TMEM232: variants seen among roughly 807,000 people sequenced by gnomAD.
The protein encoded by TMEM232 is transmembrane protein 232.
Under a neutral mutation model 78.8 loss-of-function variants are expected in TMEM232, and 80 were observed. That is an observed-to-expected ratio of 1.01 (90% confidence interval 0.85 to 1.22). TMEM232 has a LOEUF of 1.22. TMEM232 is among the 50% of genes most tolerant of loss of function. The probability of loss-of-function intolerance (pLI) is 0.00; values close to 1 mark genes in which losing one functional copy is unlikely to be tolerated. For missense variants in TMEM232, 881 were observed against 742.2 expected (o/e 1.19, Z -2.17); for synonymous variants, 297 against 254.3 (o/e 1.17, Z -1.60).
At chr5:110,505,848 C>T (rs866415569) in intron 12 of TMEM232, among the ~76,000 whole-genome samples, 4 of 152,062 alleles carry the variant, frequency 2.6e-5, no homozygotes, top group African/African-American at 7.2e-5. Flanking sequence ...TTATACAAAA[C>T]GAAACCATGC....
At chr5:110,701,919 A>G (rs1420528703) in intron 1 of TMEM232, among the ~76,000 whole-genome samples, 1 of 152,062 alleles carries the variant, frequency 6.6e-6, no homozygotes, top group Non-Finnish European at 1.5e-5. Flanking sequence ...ATTTTGCTTA[A>G]CAGAAGGAAA....
intron 5 of TMEM232, among the ~76,000 whole-genome samples, chr5:110,628,642 A>G (rs1300754655): frequency 6.6e-6 from 1 of 150,606 alleles, no homozygotes; most frequent in Non-Finnish European, 1.5e-5. Context: ...CCCAAATAAC[A>G]GCAATAGCTG....
chr5:110,672,404 T>C (rs1193599076), intron 1 of TMEM232, among the ~76,000 whole-genome samples: 1 of 152,198 alleles, frequency 6.6e-6, no homozygotes, highest in Non-Finnish European at 1.5e-5. Context: ...ATTTTAGCAG[T>C]ACTGGTAAAA....
chr5:110,523,397 T>C (rs1252856561), intron 12 of TMEM232, among the ~76,000 whole-genome samples: 2 of 152,150 alleles, frequency 1.3e-5, no homozygotes, highest in Non-Finnish European at 2.9e-5. Flanking sequence ...TGCTCTAATC[T>C]TGTTATTTCT....
At position 110,407,900 on chromosome 5, in the gene TMEM232, C is replaced by T. The variant is rs578215386; in HGVS notation, n.309-10046G>A. Among the ~76,000 whole-genome samples, 58 of 152,108 alleles carry T rather than the reference C, an allele frequency of 3.8e-4. No individual in the cohort carries two copies. In the South Asian group the frequency reaches 0.01, roughly 27 times the overall value. The stretch of plus-strand genomic sequence containing the variant: ...TGGAAAATACAGACAAGATTAGATG[C>T]GTTTGGGGTGATATGGCTATAGATG... On this transcript the variant is annotated intron_variant and non_coding_transcript_variant, in intron 2 of 8. Coordinates refer to the TMEM232 transcript ENST00000507188.
intron 3 of TMEM232, among the ~76,000 whole-genome samples, chr5:110,391,465 G>A (rs969444844): frequency 1.3e-5 from 2 of 151,992 alleles, no homozygotes; most frequent in African/African-American, 4.8e-5. Context: ...AAAAATGAGT[G>A]ATTTTCCATA....
At position 110,670,472 on chromosome 5, in the gene TMEM232, A is replaced by G. The variant is rs1157264527; in HGVS notation, c.-12-3108T>C. Reference sequence around the variant, plus strand: ...TGAGAACTACAAACCACTGCTCAACAAAATAAAAGAGGACACAAACAAATG... The same window carrying G: ...TGAGAACTACAAACCACTGCTCAACGAAATAAAAGAGGACACAAACAAATG... On this transcript the variant is annotated intron_variant, in intron 1 of 13. Coordinates refer to ENST00000455884, the MANE Select transcript of TMEM232 (RefSeq NM_001039763.4). Among the ~76,000 whole-genome samples, 22 of 152,204 alleles carry G rather than the reference A, an allele frequency of 1.4e-4. No individual in the cohort carries two copies. In the South Asian group the frequency reaches 2.9e-3, roughly 20 times the overall value.
chr5:110,656,075 A>T (rs562836825), intron 2 of TMEM232, among the ~76,000 whole-genome samples: 1 of 152,268 alleles, frequency 6.6e-6, no homozygotes, highest in African/African-American at 2.4e-5. Flanking sequence ...ACAATACTTT[A>T]ATTGGCTGAG....
intron 9 of TMEM232, 27 bp from the exon 10 acceptor site, chr5:110,605,385 C>T: frequency 6.5e-7 from 1 of 1,532,622 alleles, no homozygotes; most frequent in Non-Finnish European, 8.8e-7. Flanking sequence ...GATATTTGAT[C>T]ATCAAAGTAT....
At chr5:110,678,464 A>G (rs548278623) in intron 1 of TMEM232, among the ~76,000 whole-genome samples, 5 of 152,292 alleles carry the variant, frequency 3.3e-5, no homozygotes, top group African/African-American at 1.2e-4. Flanking sequence ...AGCCTGTCCT[A>G]TTATCAACAT....
At chr5:110,511,815 C>T (rs566509266) in intron 12 of TMEM232, among the ~76,000 whole-genome samples, 78 of 152,300 alleles carry the variant, frequency 5.1e-4, no homozygotes, top group African/African-American at 1.6e-3. Flanking sequence ...ACATAAAACA[C>T]ATTTAATGCT....
chr5:110,564,828 A>T (rs1301711355), intron 11 of TMEM232, among the ~76,000 whole-genome samples: 1 of 151,984 alleles, frequency 6.6e-6, no homozygotes, highest in Non-Finnish European at 1.5e-5. Context: ...GCCTGAAGAG[A>T]AAATACCAAC....
chr5:110,656,518 A>G (rs1422036595), intron 2 of TMEM232, among the ~76,000 whole-genome samples: 1 of 152,200 alleles, frequency 6.6e-6, no homozygotes, highest in African/African-American at 2.4e-5. Flanking sequence ...GAAAATGTAC[A>G]TCCACAGAAA....
chr5:110,506,285 TG>T (rs1289007958), intron 12 of TMEM232, among the ~76,000 whole-genome samples: 2 of 152,208 alleles, frequency 1.3e-5, no homozygotes, highest in African/African-American at 4.8e-5. Flanking sequence ...TTGTTTGTTT[TG>T]TTTGTTTTGG....
intron 3 of TMEM232, among the ~76,000 whole-genome samples, chr5:110,394,108 T>A (rs1755302011): frequency 6.6e-6 from 1 of 152,122 alleles, no homozygotes. Context: ...CCCAAAACCT[T>A]CCCAGCCTTT....
intron 13 of TMEM232, among the ~76,000 whole-genome samples, chr5:110,422,519 CAAAAAAAAAAAAAAAAAA>C (rs34448955): frequency 2.9e-5 from 1 of 34,570 alleles, no homozygotes; most frequent in East Asian, 8.8e-4. Context: ...GACTCTGTCT[CAAAAAAAAAAAAAAAAAA>C]AAAAAAAAAA....
upstream of TMEM232, among the ~76,000 whole-genome samples, chr5:110,728,021 AC>A: frequency 6.6e-6 from 1 of 152,286 alleles, no homozygotes; most frequent in South Asian, 2.1e-4. Flanking sequence ...ATAAAAAAAT[AC>A]AAACTGTTAA....
chr5:110,480,902 T>A (rs184725262), intron 12 of TMEM232, among the ~76,000 whole-genome samples: 2 of 152,204 alleles, frequency 1.3e-5, no homozygotes, highest in African/African-American at 2.4e-5. Context: ...ACAACCTACA[T>A]TGAATTCAAA....
chr5:110,546,422 C>T (rs1024954000), intron 11 of TMEM232, among the ~76,000 whole-genome samples: 1 of 152,000 alleles, frequency 6.6e-6, no homozygotes, highest in Admixed American at 6.6e-5. Context: ...AAAATTTCTA[C>T]TTAATTCCAT....
Sources: allele counts gnomAD v4.1 joint callset (sites outside exome capture counted in the v4.1 genomes callset), GRCh38; gene constraint gnomAD v4.1.1; transcripts MANE v1.5; gene names NCBI Gene and HGNC (gene_info 2026-07-23, HGNC 2026-07-21).